The following PLAA variants were observed in gnomAD, a reference collection of about 807,000 sequenced individuals.
PLAA encodes the protein phospholipase A2 activating protein, also known as phospholipase A-2-activating protein.
PLAA carries 48 observed loss-of-function variants against 84.1 expected under a neutral mutation model. That is an observed-to-expected ratio of 0.57 (90% confidence interval 0.45 to 0.73). The LOEUF (loss-of-function observed/expected upper bound fraction) is 0.73, where lower values mean the gene tolerates loss of function less well. Ranked by LOEUF, PLAA falls within the 30% of genes least tolerant of loss-of-function variation. The pLI is 0.00. For missense variants in PLAA, 903 were observed against 954.7 expected, an observed-to-expected ratio of 0.95 and a Z score of 0.71; for synonymous variants, 392 against 336.6, an observed-to-expected ratio of 1.16 and a Z score of -1.80.
intron 12 of PLAA, 90 bp from the exon 13 acceptor site, chr9:26,908,088 G>C (rs1824291173): frequency 3.4e-6 from 3 of 889,426 alleles, no homozygotes; most frequent in Admixed American, 5.0e-5. Flanking sequence ...AAGTACTCTA[G>C]TGTACACCAT....
chr9:26,933,514 C>T (rs140632482), intron 2 of PLAA, among the ~76,000 whole-genome samples: 21 of 151,624 alleles, frequency 1.4e-4, no homozygotes, highest in African/African-American at 5.1e-4. Flanking sequence ...GTTGGCCAGG[C>T]GCAGTGGCTC....
At chr9:26,945,053 G>A (rs1477779345) in intron 1 of PLAA, among the ~76,000 whole-genome samples, 2 of 152,166 alleles carry the variant, frequency 1.3e-5, no homozygotes, top group African/African-American at 2.4e-5. Flanking sequence ...CTTGAACCCC[G>A]GAGGCGGAGG....
intron 1 of PLAA, among the ~76,000 whole-genome samples, chr9:26,935,817 C>A (rs973740616): frequency 6.0e-5 from 9 of 151,212 alleles, no homozygotes; most frequent in Admixed American, 4.0e-4. Context: ...AAAAACCCCA[C>A]CTAATACAGA....
At chr9:26,914,384 T>C (rs756333451) in intron 10 of PLAA, among the ~76,000 whole-genome samples, 29 of 151,950 alleles carry the variant, frequency 1.9e-4, no homozygotes, top group African/African-American at 5.8e-4. Context: ...CTATTGAAAA[T>C]AGAAAGAAGG....
Position 26,935,093 on chromosome 9 carries a change from C to A in PLAA, c.263G>T (p.Gly88Val). Residue 88 changes from glycine (G) to valine (V), a missense_variant, in exon 2 of 14, where the codon GGT becomes GTT. Physicochemically the swap from Gly to Val is moderately radical, Grantham distance 109. Transcript: ENST00000397292. ...AATGCATATATTGTGGTCATTTCCA[C>A]CGGTGGCAATTAGGCCATGAGGGTA... ...DIYPHGLIAT[G>V]GNDHNICIFS... 1.2e-6 allele frequency: 2 copies of A among 1,610,472 alleles called. No homozygotes were observed. Among genetic ancestry groups the A allele is most frequent in the Non-Finnish European group, 1.7e-6 (2 of 1,178,834 alleles).
intron 1 of PLAA, among the ~76,000 whole-genome samples, chr9:26,940,185 C>T (rs1232146872): frequency 1.3e-5 from 2 of 152,192 alleles, no homozygotes; most frequent in African/African-American, 4.8e-5. Context: ...AAAGCAGGAT[C>T]TTAAAGAGAT....
At chr9:26,918,555 A>G (rs909289320) in intron 9 of PLAA, among the ~76,000 whole-genome samples, 1 of 152,200 alleles carries the variant, frequency 6.6e-6, no homozygotes, top group Non-Finnish European at 1.5e-5. Context: ...GAAAAGGTGG[A>G]TCTACATAAG....
At chr9:26,909,335 A>T (rs7850700) in intron 12 of PLAA, among the ~76,000 whole-genome samples, 21,131 of 151,968 alleles carry the variant, frequency 0.14, 2,293 homozygotes, top group East Asian at 0.63. Flanking sequence ...AAGTTTTTTT[A>T]AAAAAAATCT....
At chr9:26,917,193 G>A (rs746969032) in intron 9 of PLAA, 28 bp from the exon 10 acceptor site, 17 of 1,596,818 alleles carry the variant, frequency 1.1e-5, no homozygotes, top group Middle Eastern at 1.7e-4. Context: ...AGAAAAGGCA[G>A]AAGTGCACCA....
intron 4 of PLAA, among the ~76,000 whole-genome samples, chr9:26,926,866 CCAA>C (rs968095657): frequency 2.5e-4 from 38 of 151,250 alleles, no homozygotes; most frequent in Non-Finnish European, 4.6e-4. Flanking sequence ...TTTTTCTTCC[CCAA>C]CAAGAGTAAT....
At chr9:26,918,546 A>G (rs1438666236) in intron 9 of PLAA, among the ~76,000 whole-genome samples, 1 of 152,182 alleles carries the variant, frequency 6.6e-6, no homozygotes, top group Non-Finnish European at 1.5e-5. Flanking sequence ...GTCAGGGAAG[A>G]AAAGGTGGAT....
At position 26,906,783 on chromosome 9, in the gene PLAA, G is replaced by C. The variant is rs558562883; in HGVS notation, c.1823-707C>G. Among the ~76,000 whole-genome samples, 6 of 152,140 alleles carry C rather than the reference G, an allele frequency of 3.9e-5. No individual in the cohort carries two copies. The South Asian group carries it at 1.0e-3, about 26-fold the overall frequency. ...ACAAGTGATAGGATGCTTATAGGTT[G>C]GTGGGAGCTTTATAATCAAGGGCCT... On this transcript the variant is annotated intron_variant, in intron 13 of 13. Transcript: ENST00000397292.
rs149976633 is a variant in PLAA at position 26,923,250 on chromosome 9, C to A, written c.967G>T (p.Asp323Tyr). Residue 323 changes from aspartate (D) to tyrosine (Y), a missense_variant, in exon 7 of 14, where the codon GAT becomes TAT. Physicochemically the swap from Asp to Tyr is radical, Grantham distance 160. Coordinates refer to ENST00000397292, the MANE Select transcript of PLAA (RefSeq NM_001031689.3). ...FEKELSHATI[D>Y]SKTGDLGDIN... Reference sequence around the variant, plus strand: ...TCCCCTAAATCGCCAGTTTTAGAATCAATGGTTGCGTGAGACAGTTCTTTT... The same window carrying A: ...TCCCCTAAATCGCCAGTTTTAGAATAAATGGTTGCGTGAGACAGTTCTTTT... 3.7e-5 allele frequency: 59 copies of A among 1,613,898 alleles called. No homozygotes were observed. The highest frequency in any genetic ancestry group is 4.9e-5 in the Non-Finnish European group (58 of 1,179,818).
chr9:26,929,364 C>T (rs1323080861), intron 2 of PLAA, among the ~76,000 whole-genome samples: 2 of 151,584 alleles, frequency 1.3e-5, no homozygotes, highest in Non-Finnish European at 2.9e-5. Context: ...TGGTGTCACG[C>T]GCCTGTCGTC....
chr9:26,918,362 T>C (rs1428293808), intron 9 of PLAA, among the ~76,000 whole-genome samples: 2 of 151,136 alleles, frequency 1.3e-5, no homozygotes, highest in Non-Finnish European at 1.5e-5. Flanking sequence ...ACTCCTGACC[T>C]TGTGATCTGC....
intron 13 of PLAA, 36 bp from the exon 14 acceptor site, chr9:26,906,112 AT>A: frequency 1.5e-6 from 2 of 1,312,824 alleles, no homozygotes; most frequent in Non-Finnish European, 2.0e-6. Context: ...GCTTATGAAA[AT>A]AAAGAAAATT....
rs1824151312 is a variant in PLAA, at chr9:26,903,800, T to C, written c.*1711A>G. Among the ~76,000 whole-genome samples, 1 of 152,178 alleles carries C rather than the reference T, an allele frequency of 6.6e-6. No homozygotes were observed. The highest frequency in any genetic ancestry group is 2.1e-4 in the South Asian group (1 of 4,834). On this transcript the variant is annotated 3_prime_UTR_variant, in exon 14 of 14. Transcript: ENST00000397292. ...ACTTGCACAGTAATAGGAAGCAGTG[T>C]TTACATTTTGCCACCCCTTACATTT...
intron 12 of PLAA, among the ~76,000 whole-genome samples, chr9:26,909,657 G>T (rs531381366): frequency 4.1e-5 from 6 of 145,468 alleles, no homozygotes; most frequent in South Asian, 2.2e-4. Flanking sequence ...GTCTTGCTCT[G>T]TTGCCCAGGC....
intron 8 of PLAA, among the ~76,000 whole-genome samples, chr9:26,919,813 T>C (rs1052484298): frequency 3.3e-5 from 5 of 152,182 alleles, no homozygotes; most frequent in African/African-American, 9.7e-5. Flanking sequence ...TGGTTTGATA[T>C]CAAGATCAAA....
Sources: gnomAD v4.1 joint callset for allele counts (sites outside exome capture counted in the v4.1 genomes callset) on GRCh38, gnomAD v4.1.1 for gene constraint, MANE v1.5 for transcripts, NCBI Gene and HGNC (gene_info 2026-07-23, HGNC 2026-07-21) for gene names.